ABCG4: variants seen among roughly 807,000 people sequenced by gnomAD.
ABCG4 encodes the protein ATP-binding cassette sub-family G member 4.
ABCG4 carries 35 observed loss-of-function variants against 64.6 expected under a neutral mutation model. That is an observed-to-expected ratio of 0.54 (90% CI 0.41 to 0.72). The LOEUF is 0.72. ABCG4 is among the 30% of genes least tolerant of loss of function. ABCG4 has a pLI of 0.00. For synonymous variants in ABCG4, 326 were observed against 348.2 expected (o/e 0.94, Z 0.71); for missense variants, 610 against 846.3 (o/e 0.72, Z 3.46).
chr11:119,154,432 T>G lies in ABCG4; in HGVS notation c.489+40T>G. On this transcript the variant is annotated intron_variant, in intron 4 of 14. Coordinates refer to ENST00000619701, the MANE Select transcript of ABCG4 (RefSeq NM_022169.5). The surrounding 1 kb of genome is among the most constrained non-coding windows in gnomAD (Gnocchi z 7.0). Reference sequence around the variant, plus strand: ...GTCACCCCTCCTCCCAGCAACCCCCTCTGTCTGCTGTCGCCACCTTCACCA... The same window carrying G: ...GTCACCCCTCCTCCCAGCAACCCCCGCTGTCTGCTGTCGCCACCTTCACCA... 1 of 1,614,058 alleles carries G rather than the reference T, an allele frequency of 6.2e-7. No individual in the cohort carries two copies. Among genetic ancestry groups the G allele is most frequent in the Non-Finnish European group, 8.5e-7 (1 of 1,179,982 alleles).
At position 119,149,981 on chromosome 11, in the gene ABCG4, C is replaced by T. The variant is rs748349948; in HGVS notation, c.16C>T (p.Leu6=). The T allele has an allele frequency of 6.2e-7, 1 of 1,607,700 alleles. No individual in the cohort carries two copies. The highest frequency in any genetic ancestry group is 1.1e-5 in the South Asian group (1 of 91,020). Residue 6 remains leucine, a synonymous_variant, in exon 2 of 15, where the codon CTG becomes TTG. Coordinates refer to ENST00000619701, the MANE Select transcript of ABCG4 (RefSeq NM_022169.5). This position sits in a 1 kb window ranked among gnomAD's most constrained non-coding sequence, Gnocchi z 8.3. MAEKA[L]EAVGCGLGPG... ...CGGCGGCGTGATGGCGGAGAAGGCGCTGGAGGCCGTGGGCTGTGGACTAGG... is the reference window on the plus strand; with the variant it reads ...CGGCGGCGTGATGGCGGAGAAGGCGTTGGAGGCCGTGGGCTGTGGACTAGG...
rs779905818 is a variant in ABCG4 at position 119,158,766 on chromosome 11, G to T, written c.1336+41G>T. 19 of 1,614,056 alleles carry T rather than the reference G, an allele frequency of 1.2e-5. No homozygotes were observed. The East Asian group carries it at 3.8e-4, about 32-fold the overall frequency. ...CTGGGCATGGGGCAAGGGTGTGGGTGCTGGGGCTTGGGGCAGGGGCCAGGG... is the reference window on the plus strand; with the variant it reads ...CTGGGCATGGGGCAAGGGTGTGGGTTCTGGGGCTTGGGGCAGGGGCCAGGG... On this transcript the variant is annotated intron_variant, in intron 11 of 14. Coordinates refer to ENST00000619701, the MANE Select transcript of ABCG4 (RefSeq NM_022169.5). This position sits in a 1 kb window ranked among gnomAD's most constrained non-coding sequence, Gnocchi z 4.5.
chr11:119,160,778 G>A lies in ABCG4; in HGVS notation c.1716-103G>A, dbSNP rs756506035. ...TTATCCTTTGGGCAGGGGCACCCTG[G>A]CTGCACCCCAGGGATGACAGCATTG... On this transcript the variant is annotated intron_variant, in intron 14 of 14. Transcript: ENST00000619701. This position sits in a 1 kb window ranked among gnomAD's most constrained non-coding sequence, Gnocchi z 4.6. 69 of 1,501,112 alleles carry A rather than the reference G, an allele frequency of 4.6e-5. No individual in the cohort carries two copies. Among genetic ancestry groups the A allele is most frequent in the Non-Finnish European group, 6.2e-5 (67 of 1,087,074 alleles). The allele number at this position is 1,501,112 out of a possible 1,614,324, so 93.0% of individuals were successfully genotyped here.
chr11:119,157,108 G>T, intron 9 of ABCG4, 94 bp downstream of exon 9: 22 of 1,493,152 alleles, frequency 1.5e-5, no homozygotes, highest in Non-Finnish European at 1.9e-5. Flanking sequence ...TTCCCCAGAG[G>T]CATTGCAACC....
intron 2 of ABCG4, among the ~76,000 whole-genome samples, chr11:119,151,270 G>A (rs1461390014): frequency 6.6e-6 from 1 of 152,050 alleles, no homozygotes; most frequent in Non-Finnish European, 1.5e-5. Context: ...TTTAAAATGT[G>A]TCTAGACGGG....
Position 119,160,447 on chromosome 11 carries a change from G to A in ABCG4, c.1596+62G>A. 6.2e-7 allele frequency: 1 copy of A among 1,604,310 alleles called. No individual in the cohort carries two copies. Among genetic ancestry groups the A allele is most frequent in the African/African-American group, 1.3e-5 (1 of 74,852 alleles). Reference sequence around the variant, plus strand: ...ATGAGGTCTTGTGGGAGGAAGCAGGGCCTGGTGCAAGGGTTAGGGTGGAGC... The same window carrying A: ...ATGAGGTCTTGTGGGAGGAAGCAGGACCTGGTGCAAGGGTTAGGGTGGAGC... On this transcript the variant is annotated intron_variant, in intron 13 of 14. Coordinates refer to ENST00000619701, the MANE Select transcript of ABCG4 (RefSeq NM_022169.5). This position sits in a 1 kb window ranked among gnomAD's most constrained non-coding sequence, Gnocchi z 4.6.
chr11:119,160,909 A>C lies in ABCG4; in HGVS notation c.1744A>C (p.Ile582Leu). The C allele has an allele frequency of 6.2e-7, 1 of 1,613,916 alleles. No individual in the cohort carries two copies. The highest frequency in any genetic ancestry group is 2.2e-5 in the East Asian group (1 of 44,860). Residue 582 changes from isoleucine (I) to leucine (L), a missense_variant, in exon 15 of 15, where the codon ATC (isoleucine) becomes CTC (leucine). Transcript: ENST00000619701. The surrounding 1 kb of genome is among the most constrained non-coding windows in gnomAD (Gnocchi z 4.6). ...RYGFEGVILT[I>L]YGMERGDLTC... ...TGGCTTTGAGGGTGTGATCCTGACG[A>C]TCTATGGCATGGAGCGAGGAGACCT...
intron 2 of ABCG4, among the ~76,000 whole-genome samples, chr11:119,151,854 T>G (rs1426523103): frequency 6.6e-6 from 1 of 152,160 alleles, no homozygotes; most frequent in Non-Finnish European, 1.5e-5. Flanking sequence ...GGGACATGGG[T>G]TCCTAGTCAC....
chr11:119,157,136 A>G, intron 9 of ABCG4, 122 bp downstream of exon 9: 1 of 1,363,820 alleles, frequency 7.3e-7, no homozygotes. Flanking sequence ...GCTAGGAAGA[A>G]CCTAGGACTT....
intron 2 of ABCG4, among the ~76,000 whole-genome samples, chr11:119,152,698 T>C (rs1454709142): frequency 6.6e-6 from 1 of 152,174 alleles, no homozygotes; most frequent in Non-Finnish European, 1.5e-5. Flanking sequence ...GGATTGTGAG[T>C]GTATATACAC....
chr11:119,160,519 C>T lies in ABCG4; in HGVS notation c.1597-19C>T. On this transcript the variant is annotated intron_variant, in intron 13 of 14. Transcript: ENST00000619701. The surrounding 1 kb of genome is among the most constrained non-coding windows in gnomAD (Gnocchi z 4.6). Reference sequence around the variant, plus strand: ...CTGGTCACCCCTATGATGGCCTGGCCCCCTCCCTTCCCCTCTAGGTGGCCA... The same window carrying T: ...CTGGTCACCCCTATGATGGCCTGGCTCCCTCCCTTCCCCTCTAGGTGGCCA... The T allele has an allele frequency of 1.5e-6, 2 of 1,304,606 alleles. No homozygotes were observed. Among genetic ancestry groups the T allele is most frequent in the South Asian group, 1.2e-5 (1 of 84,624 alleles). The allele number at this position is 1,304,606 out of a possible 1,614,324, so 80.8% of individuals were successfully genotyped here. A position where few individuals can be genotyped will look rare whatever the true frequency, so the allele number is the denominator to read the frequency against.
Position 119,161,100 on chromosome 11 carries a change from GAGAT to G in ABCG4, c.1939_*1del, listed in dbSNP as rs1948345854. The G allele has an allele frequency of 3.1e-6, 5 of 1,613,120 alleles. No homozygotes were observed. The highest frequency in any genetic ancestry group is 4.2e-6 in the Non-Finnish European group (5 of 1,179,690). ...TGCTGCGTTACCGGGTCAAGTCAGA[GAGAT>G]AGAGGCTTGCCCCAGCCTGTACCCC... On this transcript the variant is annotated frameshift_variant and stop_lost, in exon 15 of 15. Coordinates refer to ENST00000619701, the MANE Select transcript of ABCG4 (RefSeq NM_022169.5). LOFTEE classifies it high-confidence loss of function.
chr11:119,158,331 C>T lies in ABCG4; in HGVS notation c.1166C>T (p.Thr389Met), dbSNP rs139556601. 119 of 1,613,894 alleles carry T rather than the reference C, an allele frequency of 7.4e-5. No individual in the cohort carries two copies. Among genetic ancestry groups the T allele is most frequent in the African/African-American group, 4.8e-4 (36 of 75,046 alleles). Residue 389 changes from threonine (T) to methionine (M), a missense_variant and splice_region_variant, in exon 10 of 15, where the codon ACG becomes ATG. Thr to Met is a moderately conservative substitution (Grantham distance 81). Transcript: ENST00000619701. The surrounding 1 kb of genome is among the most constrained non-coding windows in gnomAD (Gnocchi z 4.5). The part of the protein sequence containing the change: ...KRTFLSILRD[T>M]VLTHLRFMSH... Reference sequence around the variant, plus strand: ...ACCTTCCTGTCCATCCTCAGGGACACGGTGAGGCGTCAGGCTGGGGGAGAG... The same window carrying T: ...ACCTTCCTGTCCATCCTCAGGGACATGGTGAGGCGTCAGGCTGGGGGAGAG...
In ABCG4 at chr11:119,154,547, G is replaced by T. The variant is rs942021977; in HGVS notation, c.512G>T (p.Ser171Ile). ...CAGGTCTCTGCTAACCTGAAGCTGA[G>T]TGAGAAGCAGGAGGTGAAGAAGGAG... ...AMMVSANLKL[S>I]EKQEVKKELV... Residue 171 changes from serine (S) to isoleucine (I), a missense_variant, in exon 5 of 15, where the codon AGT becomes ATT. Transcript: ENST00000619701. The surrounding 1 kb of genome is among the most constrained non-coding windows in gnomAD (Gnocchi z 7.0). 2.5e-6 allele frequency: 4 copies of T among 1,613,816 alleles called. No homozygotes were observed. The highest frequency in any genetic ancestry group is 3.4e-6 in the Non-Finnish European group (4 of 1,179,932).
rs1948224950 is a variant in ABCG4 at position 119,153,835 on chromosome 11, G to A, written c.239-191G>A. ...CTCTGGTACTTTGATATTAGTGGTGGTCGTTTCTAGGGGGACGGGATGAGA... is the reference window on the plus strand; with the variant it reads ...CTCTGGTACTTTGATATTAGTGGTGATCGTTTCTAGGGGGACGGGATGAGA... On this transcript the variant is annotated intron_variant, in intron 2 of 14. Coordinates refer to ENST00000619701, the MANE Select transcript of ABCG4 (RefSeq NM_022169.5). 1.3e-5 allele frequency: 8 copies of A among 608,174 alleles called. No individual in the cohort carries two copies. In the South Asian group the frequency reaches 1.6e-4, roughly 12 times the overall value. The allele number at this position is 608,174 out of a possible 1,614,324, so 37.7% of individuals were successfully genotyped here.
In ABCG4 at chr11:119,154,656, G is replaced by T; in HGVS notation, c.540+81G>T. On this transcript the variant is annotated intron_variant, in intron 5 of 14. Transcript: ENST00000619701. The surrounding 1 kb of genome is among the most constrained non-coding windows in gnomAD (Gnocchi z 7.0). ...AAGGCCCCGAGCTGGGAGTGGGAGA[G>T]TGGTGGCCTAGGCCGAGACAATGCA... 1 of 1,599,592 alleles carries T rather than the reference G, an allele frequency of 6.3e-7. No homozygotes were observed. Among genetic ancestry groups the T allele is most frequent in the Non-Finnish European group, 8.5e-7 (1 of 1,173,064 alleles).
rs773264847 is a variant in ABCG4 at position 119,158,384 on chromosome 11, G to A, written c.1167+52G>A. 6.3e-7 allele frequency: 1 copy of A among 1,591,266 alleles called. No homozygotes were observed. Among genetic ancestry groups the A allele is most frequent in the Admixed American group, 1.7e-5 (1 of 59,996 alleles). The stretch of plus-strand genomic sequence containing the variant: ...GGCTGGCACAGGCCTGACCTTTTGG[G>A]CTGTAGGATCCCAGCAGCTGAAATG... On this transcript the variant is annotated intron_variant, in intron 10 of 14. Coordinates refer to ENST00000619701, the MANE Select transcript of ABCG4 (RefSeq NM_022169.5). This position sits in a 1 kb window ranked among gnomAD's most constrained non-coding sequence, Gnocchi z 4.5.
chr11:119,160,937 C>G lies in ABCG4; in HGVS notation c.1772C>G (p.Thr591Arg), dbSNP rs1229221738. The G allele has an allele frequency of 6.2e-7, 1 of 1,614,070 alleles. No homozygotes were observed. Among genetic ancestry groups the G allele is most frequent in the Non-Finnish European group, 8.5e-7 (1 of 1,179,972 alleles). ...TATGGCATGGAGCGAGGAGACCTGA[C>G]ATGTTTAGAGGAACGCTGCCCGTTC... ...TIYGMERGDLTCLEERCPFRE... is the reference protein window; with the variant it reads ...TIYGMERGDLRCLEERCPFRE... The change falls in exon 15 of 15, where the codon ACA (threonine) becomes AGA (arginine). Residue 591 changes from threonine (T) to arginine (R), a missense_variant. Transcript: ENST00000619701. The surrounding 1 kb of genome is among the most constrained non-coding windows in gnomAD (Gnocchi z 4.6).
In ABCG4 at chr11:119,160,321, C is replaced by T. The variant is rs542544848; in HGVS notation, c.1532C>T (p.Thr511Ile). 2.5e-5 allele frequency: 41 copies of T among 1,613,732 alleles called. No individual in the cohort carries two copies. The African/African-American group carries it at 3.1e-4, about 12-fold the overall frequency. ...TTCCTGCTCTTCTCAGCCCTGGCCA[C>T]CGCCACCGCCTTGGTGGCCCAATCT... ...SRFLLFSALA[T>I]ATALVAQSLG... Residue 511 changes from threonine to isoleucine, a missense_variant, in exon 13 of 15, where the codon ACC (threonine) becomes ATC (isoleucine). Thr to Ile is a moderately conservative substitution (Grantham distance 89). Coordinates refer to ENST00000619701, the MANE Select transcript of ABCG4 (RefSeq NM_022169.5). The surrounding 1 kb of genome is among the most constrained non-coding windows in gnomAD (Gnocchi z 4.6).
Sources: allele counts gnomAD v4.1 joint callset (sites outside exome capture counted in the v4.1 genomes callset), GRCh38; gene constraint gnomAD v4.1.1; non-coding constraint Gnocchi (gnomAD v3.1); transcripts MANE v1.5; gene names NCBI Gene and HGNC (gene_info 2026-07-23, HGNC 2026-07-21).